ITCH: variants seen among roughly 807,000 people sequenced by gnomAD.
The protein encoded by ITCH is itchy E3 ubiquitin protein ligase, also known as E3 ubiquitin-protein ligase Itchy homolog.
Under a neutral mutation model 126.8 loss-of-function variants are expected in ITCH, and 28 were observed. That is an observed-to-expected ratio of 0.22 (90% CI 0.16 to 0.30). ITCH has a LOEUF of 0.30. Ranked by LOEUF, ITCH falls within the 10% of genes least tolerant of loss-of-function variation. ITCH has a pLI of 1.00. For synonymous variants in ITCH, 342 were observed against 340.0 expected (o/e 1.01, Z -0.06); for missense variants, 631 against 1,032.4 (o/e 0.61, Z 5.33).
chr20:34,389,396 C>G (rs1028217144), intron 2 of ITCH, among the ~76,000 whole-genome samples: 3 of 151,980 alleles, frequency 2.0e-5, no homozygotes, highest in Admixed American at 2.0e-4. Context: ...CAAGAGCCAA[C>G]TGTAATTAGA....
At chr20:34,371,943 T>C (rs750817985) in intron 2 of ITCH, among the ~76,000 whole-genome samples, 4 of 152,176 alleles carry the variant, frequency 2.6e-5, no homozygotes, top group Non-Finnish European at 4.4e-5. Flanking sequence ...CTGTGCTTTA[T>C]GTGCTAACTC....
intron 14 of ITCH, among the ~76,000 whole-genome samples, chr20:34,467,964 G>A (rs1051213776): frequency 1.3e-5 from 2 of 151,106 alleles, no homozygotes; most frequent in Admixed American, 6.6e-5. Context: ...AAAATCATAC[G>A]ATAATTTCAG....
At chr20:34,405,889 G>T (rs189863632) in intron 3 of ITCH, among the ~76,000 whole-genome samples, 132 of 152,096 alleles carry the variant, frequency 8.7e-4, no homozygotes, top group African/African-American at 3.0e-3. Context: ...CTCCCAAAGT[G>T]CTGGTATTAC....
Position 34,402,013 on chromosome 20 carries a change from A to G in ITCH, c.71-6638A>G, listed in dbSNP as rs567448630. 100 of 583,158 alleles carry G rather than the reference A, an allele frequency of 1.7e-4. 3 individuals are homozygous for G. In the South Asian group the frequency reaches 1.7e-3, roughly 10 times the overall value. The allele number at this position is 583,158 out of a possible 1,614,324, so 36.1% of individuals were successfully genotyped here. On this transcript the variant is annotated intron_variant, in intron 3 of 24. Transcript: ENST00000374864. ...GCTATGGGCCTTGTCTCACATGAGTACATGTGGGTAGGTGCAGTGCGTTTG... is the reference window on the plus strand; with the variant it reads ...GCTATGGGCCTTGTCTCACATGAGTGCATGTGGGTAGGTGCAGTGCGTTTG...
At chr20:34,505,565 T>TC (rs1193204748) in intron 24 of ITCH, among the ~76,000 whole-genome samples, 5 of 151,572 alleles carry the variant, frequency 3.3e-5, no homozygotes, top group Non-Finnish European at 5.9e-5. Context: ...ATAACTTTTT[T>TC]TTTTTTGGAG....
chr20:34,480,258 C>T (rs550746554), intron 18 of ITCH, among the ~76,000 whole-genome samples: 159 of 152,088 alleles, frequency 1.0e-3, no homozygotes, highest in African/African-American at 3.6e-3. Flanking sequence ...AGTGCAATGG[C>T]GTGATCTCGG....
At chr20:34,404,466 C>T (rs918740547) in intron 3 of ITCH, among the ~76,000 whole-genome samples, 1 of 142,980 alleles carries the variant, frequency 7.0e-6, no homozygotes. Context: ...GTCACCCAGG[C>T]TGGAGTGCAA....
At chr20:34,426,900 G>A (rs1356460241) in intron 7 of ITCH, among the ~76,000 whole-genome samples, 3 of 151,658 alleles carry the variant, frequency 2.0e-5, no homozygotes, top group Non-Finnish European at 4.4e-5. Flanking sequence ...TCAGCCTCCC[G>A]AGTAGCTGGG....
intron 7 of ITCH, among the ~76,000 whole-genome samples, chr20:34,428,112 C>T (rs1484921221): frequency 6.6e-6 from 1 of 152,170 alleles, no homozygotes; most frequent in East Asian, 1.9e-4. Context: ...AGTTCCTGTG[C>T]ATCAGCTTTT....
chr20:34,391,590 TA>T (rs1316957971), intron 2 of ITCH, among the ~76,000 whole-genome samples: 1 of 152,228 alleles, frequency 6.6e-6, no homozygotes, highest in African/African-American at 2.4e-5. Flanking sequence ...ACATTATTTC[TA>T]ATTTTTTTGA....
chr20:34,427,988 A>G (rs1371092920), intron 7 of ITCH, among the ~76,000 whole-genome samples: 1 of 152,192 alleles, frequency 6.6e-6, no homozygotes, highest in Non-Finnish European at 1.5e-5. Flanking sequence ...TATTTAATCA[A>G]TGCTTTTTAT....
intron 6 of ITCH, 54 bp downstream of exon 6, chr20:34,413,933 A>T: frequency 7.2e-7 from 1 of 1,387,096 alleles, no homozygotes; most frequent in South Asian, 1.2e-5. Flanking sequence ...TAAAATAGCC[A>T]TTGTAGTATG....
At chr20:34,432,704 C>T (rs1374777678) in intron 7 of ITCH, among the ~76,000 whole-genome samples, 1 of 152,142 alleles carries the variant, frequency 6.6e-6, no homozygotes, top group Non-Finnish European at 1.5e-5. Context: ...CCTGTAATCC[C>T]AGTACCTTTG....
intron 7 of ITCH, among the ~76,000 whole-genome samples, chr20:34,430,211 A>G (rs1041222089): frequency 6.6e-6 from 1 of 152,176 alleles, no homozygotes; most frequent in Non-Finnish European, 1.5e-5. Flanking sequence ...AAGCTTAGAA[A>G]GGGAAAGGAA....
chr20:34,476,585 C>T (rs1477290844), intron 16 of ITCH: 17 of 599,254 alleles, frequency 2.8e-5, no homozygotes, highest in Non-Finnish European at 2.1e-5. Context: ...GAATACTTGG[C>T]ATAAACGTAC....
intron 21 of ITCH, among the ~76,000 whole-genome samples, 185 bp downstream of exon 21, chr20:34,489,571 C>T (rs1054084192): frequency 6.6e-6 from 1 of 152,152 alleles, no homozygotes; most frequent in Non-Finnish European, 1.5e-5. Flanking sequence ...AATAGTATTA[C>T]CCCCTCCAAA....
intron 20 of ITCH, among the ~76,000 whole-genome samples, chr20:34,484,850 T>C (rs907336272): frequency 3.3e-5 from 5 of 152,218 alleles, no homozygotes; most frequent in African/African-American, 1.2e-4. Context: ...CTGTAAACAC[T>C]GTTCCATATA....
intron 24 of ITCH, among the ~76,000 whole-genome samples, chr20:34,505,834 G>A (rs1990588653): frequency 6.6e-6 from 1 of 152,160 alleles, no homozygotes; most frequent in African/African-American, 2.4e-5. Context: ...GATTACAGGC[G>A]TGAGCCACTG....
chr20:34,471,984 C>G (rs1987676873), intron 16 of ITCH, among the ~76,000 whole-genome samples: 1 of 151,888 alleles, frequency 6.6e-6, no homozygotes, highest in Non-Finnish European at 1.5e-5. Context: ...TTACTCTTAA[C>G]AGGAAAAAAA....
Sources: gnomAD v4.1 joint callset for allele counts (sites outside exome capture counted in the v4.1 genomes callset) on GRCh38, gnomAD v4.1.1 for gene constraint, MANE v1.5 for transcripts, NCBI Gene and HGNC (gene_info 2026-07-23, HGNC 2026-07-21) for gene names.